AUTS2: variants seen among roughly 807,000 people sequenced by gnomAD.
AUTS2 encodes autism susceptibility gene 2 protein.
In AUTS2, 17 loss-of-function variants were observed where a neutral mutation model predicts 112.4. The ratio of observed to expected loss-of-function variants is 0.15; its 90% CI spans 0.10 to 0.23. The LOEUF (loss-of-function observed/expected upper bound fraction) is 0.23, where lower values mean the gene tolerates loss of function less well. Among genes scored for constraint, AUTS2 ranks in the 10% least tolerant of loss-of-function variants. AUTS2 has a pLI of 1.00. For synonymous variants in AUTS2, 751 were observed against 702.7 expected (o/e 1.07, Z -1.09); for missense variants, 1,510 against 1,701.6 (o/e 0.89, Z 1.98).
intron 7 of AUTS2, among the ~76,000 whole-genome samples, chr7:70,764,545 C>T (rs1789785859): frequency 6.6e-6 from 1 of 151,784 alleles, no homozygotes; most frequent in Non-Finnish European, 1.5e-5. Flanking sequence ...GCAGCAGTTT[C>T]GGTTTGCTCT....
intron 5 of AUTS2, among the ~76,000 whole-genome samples, chr7:70,684,100 T>C (rs1287586914): frequency 6.6e-6 from 1 of 152,060 alleles, no homozygotes; most frequent in Non-Finnish European, 1.5e-5. Flanking sequence ...AAGTCAATAT[T>C]TGGACCATCA....
At chr7:69,847,184 T>G (rs926477692) in intron 1 of AUTS2, among the ~76,000 whole-genome samples, 2 of 152,184 alleles carry the variant, frequency 1.3e-5, no homozygotes, top group African/African-American at 4.8e-5. Context: ...GACGTAGAGA[T>G]CAAAAGTTAC....
At chr7:70,369,334 G>T (rs1792732057) in intron 4 of AUTS2, among the ~76,000 whole-genome samples, 1 of 152,222 alleles carries the variant, frequency 6.6e-6, no homozygotes, top group African/African-American at 2.4e-5. Context: ...CAGAGAATGT[G>T]TTGTTTGGTC....
intron 1 of AUTS2, among the ~76,000 whole-genome samples, chr7:69,769,552 C>A (rs933660509): frequency 6.6e-6 from 1 of 152,216 alleles, no homozygotes; most frequent in Non-Finnish European, 1.5e-5. Flanking sequence ...AGCTATCCAA[C>A]TTGGAGACTT....
rs376581436 is a variant in AUTS2 at position 70,279,792 on chromosome 7, T to C, written c.660+145221T>C. Among the ~76,000 whole-genome samples, 6 of 152,360 alleles carry C rather than the reference T, an allele frequency of 3.9e-5. No homozygotes were observed. The East Asian group carries it at 5.8e-4, about 15-fold the overall frequency. Reference sequence around the variant, plus strand: ...CCTGCCACCTCAAAAGTTCCAGCTCTATCGTCTTTTGGATTAAGTAGGCCA... The same window carrying C: ...CCTGCCACCTCAAAAGTTCCAGCTCCATCGTCTTTTGGATTAAGTAGGCCA... On this transcript the variant is annotated intron_variant, in intron 4 of 18. Transcript: ENST00000342771.
chr7:70,582,037 CTTTT>C (rs35939256), intron 5 of AUTS2, among the ~76,000 whole-genome samples: 1 of 128,772 alleles, frequency 7.8e-6, no homozygotes, highest in Non-Finnish European at 1.7e-5. Context: ...ACCCAACCCA[CTTTT>C]TTTTTTTTTT....
rs762107025 is a variant in AUTS2 at position 70,790,279 on chromosome 7, G to T, written c.3063G>T (p.Ser1021=). Residue 1021 remains serine, a synonymous_variant, in exon 19 of 19, where the codon TCG becomes TCT. Transcript: ENST00000342771. The surrounding 1 kb of genome is among the most constrained non-coding windows in gnomAD (Gnocchi z 7.6). ...SSSVHPGPLA[S]MPMTVGVTGI... ...GCGTGCACCCGGGGCCCCTGGCCTCGATGCCCATGACGGTGGGGGTGACGG... is the reference window on the plus strand; with the variant it reads ...GCGTGCACCCGGGGCCCCTGGCCTCTATGCCCATGACGGTGGGGGTGACGG... The T allele has an allele frequency of 2.5e-6, 4 of 1,613,292 alleles. No homozygotes were observed. Among genetic ancestry groups the T allele is most frequent in the Non-Finnish European group, 3.4e-6 (4 of 1,179,932 alleles).
At chr7:70,179,319 G>C (rs1417696052) in intron 4 of AUTS2, among the ~76,000 whole-genome samples, 7 of 152,204 alleles carry the variant, frequency 4.6e-5, no homozygotes, top group Admixed American at 4.6e-4. Context: ...CTCAGGCCCT[G>C]AAGCATGAGT....
chr7:70,716,407 G>C (rs1031220182), intron 6 of AUTS2, among the ~76,000 whole-genome samples: 2 of 152,102 alleles, frequency 1.3e-5, no homozygotes, highest in Admixed American at 6.6e-5. Context: ...GCTGAGGCGG[G>C]TGGATCACGA....
At chr7:70,523,200 C>G (rs980748412) in intron 5 of AUTS2, among the ~76,000 whole-genome samples, 1 of 152,192 alleles carries the variant, frequency 6.6e-6, no homozygotes, top group African/African-American at 2.4e-5. Flanking sequence ...GACAGCAGTT[C>G]TGTGTGGGGC....
intron 4 of AUTS2, among the ~76,000 whole-genome samples, chr7:70,255,889 T>C (rs889061819): frequency 6.6e-6 from 1 of 152,250 alleles, no homozygotes; most frequent in Non-Finnish European, 1.5e-5. Flanking sequence ...TATTAATCAT[T>C]GGGTTATGGT....
intron 2 of AUTS2, among the ~76,000 whole-genome samples, chr7:70,063,102 A>G (rs981911929): frequency 1.3e-5 from 2 of 152,052 alleles, no homozygotes; most frequent in Non-Finnish European, 2.9e-5. Context: ...CTTTCCCAAC[A>G]TCCCCACCCA....
chr7:69,926,497 G>GCCTA (rs1208410512), intron 2 of AUTS2, among the ~76,000 whole-genome samples: 10 of 143,604 alleles, frequency 7.0e-5, no homozygotes, highest in South Asian at 2.2e-4. Flanking sequence ...CTATCTGCCT[G>GCCTA]CCTACCTACC....
chr7:70,610,422 T>A, intron 5 of AUTS2, among the ~76,000 whole-genome samples: 1 of 114,472 alleles, frequency 8.7e-6, no homozygotes, highest in Non-Finnish European at 1.8e-5. Flanking sequence ...TTAGCGCTCA[T>A]CTTTTTTTTT....
chr7:70,661,630 C>T (rs954588921), intron 5 of AUTS2, among the ~76,000 whole-genome samples: 8 of 152,118 alleles, frequency 5.3e-5, no homozygotes, highest in Non-Finnish European at 8.8e-5. Context: ...TTCTGTACAT[C>T]GAATGCTGGT....
At chr7:70,164,853 A>AT (rs548712475) in intron 4 of AUTS2, among the ~76,000 whole-genome samples, 11 of 151,862 alleles carry the variant, frequency 7.2e-5, no homozygotes, top group Non-Finnish European at 1.3e-4. Context: ...CTCACGTAAG[A>AT]TAAAAAAAAA....
chr7:70,666,639 G>A (rs1259123750), intron 5 of AUTS2, among the ~76,000 whole-genome samples: 2 of 151,630 alleles, frequency 1.3e-5, no homozygotes, highest in South Asian at 2.1e-4. Flanking sequence ...AAATGTTCAC[G>A]TTTTCCCACC....
chr7:69,600,764 A>G (rs1288558734), intron 1 of AUTS2, among the ~76,000 whole-genome samples: 1 of 152,118 alleles, frequency 6.6e-6, no homozygotes, highest in African/African-American at 2.4e-5. Flanking sequence ...AAGGTACACC[A>G]GGGAAGACTG....
rs567432962 is a variant in AUTS2 at position 70,351,298 on chromosome 7, C to T, written c.661-84454C>T. On this transcript the variant is annotated intron_variant, in intron 4 of 18. Transcript: ENST00000342771. ...CGAACTCCTGACCTCTGGCGATCCA[C>T]CCGCCTCAGCCTCCCAAAGTGTCTG... 3.9e-5 allele frequency among the ~76,000 whole-genome samples: 6 copies of T among 152,316 alleles called. No individual in the cohort carries two copies. In the East Asian group the frequency reaches 1.2e-3, roughly 29 times the overall value.
Sources: allele counts gnomAD v4.1 joint callset (sites outside exome capture counted in the v4.1 genomes callset), GRCh38; gene constraint gnomAD v4.1.1; non-coding constraint Gnocchi (gnomAD v3.1); transcripts MANE v1.5; gene names NCBI Gene and HGNC (gene_info 2026-07-23, HGNC 2026-07-21).